TRPM3: variants seen among roughly 807,000 people sequenced by gnomAD.
TRPM3 encodes the protein long transient receptor potential channel 3.
Under a neutral mutation model 181.2 loss-of-function variants are expected in TRPM3, and 77 were observed. The observed-to-expected ratio is 0.42, with a 90% CI of 0.35 to 0.51. The LOEUF (loss-of-function observed/expected upper bound fraction) is 0.51, where lower values mean the gene tolerates loss of function less well. TRPM3 is among the 20% of genes least tolerant of loss of function. TRPM3 has a pLI of 0.01. For synonymous variants in TRPM3, 745 were observed against 796.4 expected, an observed-to-expected ratio of 0.94 and a Z score of 1.09; for missense variants, 1,759 against 2,196.7, an observed-to-expected ratio of 0.80 and a Z score of 3.98.
At chr9:70,835,464 C>G (rs1336094470) in intron 5 of TRPM3, among the ~76,000 whole-genome samples, 2 of 152,018 alleles carry the variant, frequency 1.3e-5, no homozygotes, top group Admixed American at 1.3e-4. Flanking sequence ...GTCCCCACCC[C>G]CTTGCCACCC....
intron 4 of TRPM3, among the ~76,000 whole-genome samples, chr9:70,843,641 G>A (rs931086196): frequency 6.6e-6 from 1 of 152,116 alleles, no homozygotes; most frequent in Non-Finnish European, 1.5e-5. Flanking sequence ...GGATTATTCT[G>A]TGGAAAATTT....
intron 1 of TRPM3, among the ~76,000 whole-genome samples, chr9:71,380,140 A>G (rs1470385142): frequency 6.6e-6 from 1 of 151,980 alleles, no homozygotes; most frequent in Non-Finnish European, 1.5e-5. Flanking sequence ...AGGGACCTTC[A>G]TTTTTCCTCA....
At chr9:71,092,085 G>A (rs2066319437) in intron 1 of TRPM3, among the ~76,000 whole-genome samples, 1 of 152,172 alleles carries the variant, frequency 6.6e-6, no homozygotes. Flanking sequence ...TAGGGGTCAT[G>A]TCTTATTCAT....
chr9:71,372,765 C>T lies in TRPM3; in HGVS notation c.183+73888G>A, dbSNP rs118031889. Among the ~76,000 whole-genome samples, 3 of 152,148 alleles carry T rather than the reference C, an allele frequency of 2.0e-5. No homozygotes were observed. In the South Asian group the frequency reaches 6.2e-4, roughly 32 times the overall value. The stretch of plus-strand genomic sequence containing the variant: ...GCTAAATACCCCAATTCAAAGACAC[C>T]AAATGGCAAGCTGGGTAAAGGGTCA... On this transcript the variant is annotated intron_variant, in intron 1 of 24. Coordinates refer to the TRPM3 transcript ENST00000357533.
chr9:70,967,238 C>T (rs1460848665), intron 1 of TRPM3, among the ~76,000 whole-genome samples: 1 of 151,948 alleles, frequency 6.6e-6, no homozygotes, highest in Non-Finnish European at 1.5e-5. Flanking sequence ...GTCCCAGTTC[C>T]TTGGGGACAG....
intron 9 of TRPM3, among the ~76,000 whole-genome samples, chr9:70,656,409 T>C (rs1645013457): frequency 6.6e-6 from 1 of 152,244 alleles, no homozygotes; most frequent in Admixed American, 6.5e-5. Flanking sequence ...GCAGTAAGAT[T>C]TGTTTTGGGA....
intron 11 of TRPM3, among the ~76,000 whole-genome samples, chr9:70,638,712 A>G (rs976880040): frequency 1.3e-5 from 2 of 152,188 alleles, no homozygotes; most frequent in African/African-American, 4.8e-5. Context: ...TGATGCTTAG[A>G]GTTAAACCAA....
intron 1 of TRPM3, among the ~76,000 whole-genome samples, chr9:71,245,631 C>T (rs2081993941): frequency 6.6e-6 from 1 of 152,004 alleles, no homozygotes; most frequent in African/African-American, 2.4e-5. Flanking sequence ...AGGCTTTAAC[C>T]AGGGCAGTAG....
intron 1 of TRPM3, among the ~76,000 whole-genome samples, chr9:71,131,072 G>A (rs918382016): frequency 9.2e-5 from 14 of 152,232 alleles, no homozygotes; most frequent in African/African-American, 3.4e-4. Flanking sequence ...GAAAAACTCC[G>A]AACTCCTCGT....
intron 1 of TRPM3, among the ~76,000 whole-genome samples, chr9:71,351,866 GTTTGTT>G (rs201235701): frequency 0.017 from 1,862 of 107,946 alleles, 47 homozygotes; most frequent in East Asian, 0.11. Flanking sequence ...TTGTTTGTTT[GTTTGTT>G]TTTGTTTTTT....
chr9:70,763,383 T>C (rs1588015235), intron 7 of TRPM3, among the ~76,000 whole-genome samples: 1 of 152,068 alleles, frequency 6.6e-6, no homozygotes, highest in African/African-American at 2.4e-5. Context: ...TGGTGGTGCA[T>C]GCCTGTAGTC....
chr9:70,760,446 G>A (rs2077907826), intron 8 of TRPM3, among the ~76,000 whole-genome samples: 1 of 147,530 alleles, frequency 6.8e-6, no homozygotes, highest in Non-Finnish European at 1.5e-5. Flanking sequence ...TGGTACCTTC[G>A]TGCGTAGTAG....
At chr9:71,211,293 T>C (rs933556810) in intron 1 of TRPM3, among the ~76,000 whole-genome samples, 7 of 152,298 alleles carry the variant, frequency 4.6e-5, no homozygotes, top group African/African-American at 1.7e-4. Context: ...CCTTTTTCTA[T>C]TCCAGAAGAT....
chr9:70,757,947 C>T lies in TRPM3; in HGVS notation c.1272+3654G>A, dbSNP rs183457747. On this transcript the variant is annotated intron_variant, in intron 8 of 25. Transcript: ENST00000677713. ...GACAGGGATGCCCTCTCTCACCACTCCTATTCAACATAGTATTGGAAGTTC... is the reference window on the plus strand; with the variant it reads ...GACAGGGATGCCCTCTCTCACCACTTCTATTCAACATAGTATTGGAAGTTC... 3.7e-3 allele frequency among the ~76,000 whole-genome samples: 566 copies of T among 152,318 alleles called. 1 individual carries two copies. Among genetic ancestry groups the T allele is most frequent in the Non-Finnish European group, 5.8e-3 (397 of 68,036 alleles).
intron 1 of TRPM3, among the ~76,000 whole-genome samples, chr9:70,921,585 T>C (rs2096653609): frequency 6.6e-6 from 1 of 152,176 alleles, no homozygotes; most frequent in Non-Finnish European, 1.5e-5. Context: ...AGTGAAGTTT[T>C]AGACTCAAGT....
At chr9:70,978,346 A>G (rs1267925104) in intron 1 of TRPM3, among the ~76,000 whole-genome samples, 1 of 152,188 alleles carries the variant, frequency 6.6e-6, no homozygotes, top group Non-Finnish European at 1.5e-5. Flanking sequence ...AGCACATGCA[A>G]TTCAGCCAGT....
At chr9:71,230,451 A>G (rs1275595518) in intron 1 of TRPM3, among the ~76,000 whole-genome samples, 1 of 152,182 alleles carries the variant, frequency 6.6e-6, no homozygotes, top group Non-Finnish European at 1.5e-5. Flanking sequence ...ACATTTAAAA[A>G]TAACTAAAAT....
At chr9:70,637,695 G>C (rs1038818417) in intron 11 of TRPM3, among the ~76,000 whole-genome samples, 1 of 152,002 alleles carries the variant, frequency 6.6e-6, no homozygotes, top group African/African-American at 2.4e-5. Context: ...AACTACTACT[G>C]GCTGGGGACA....
At chr9:70,744,437 T>C (rs2074771810) in intron 8 of TRPM3, among the ~76,000 whole-genome samples, 1 of 152,226 alleles carries the variant, frequency 6.6e-6, no homozygotes. Context: ...TCTGATGAGC[T>C]AGCATAATTC....
Sources: allele counts gnomAD v4.1 joint callset (sites outside exome capture counted in the v4.1 genomes callset), GRCh38; gene constraint gnomAD v4.1.1; transcripts MANE v1.5; gene names NCBI Gene and HGNC (gene_info 2026-07-23, HGNC 2026-07-21).